Variants in CNGB1 observed in about 807,000 individuals in gnomAD.
CNGB1 encodes the protein cyclic nucleotide-gated channel beta-1.
In CNGB1, 126 loss-of-function variants were observed where a neutral mutation model predicts 151.7. The ratio of observed to expected loss-of-function variants is 0.83; its 90% CI spans 0.72 to 0.96. The LOEUF (loss-of-function observed/expected upper bound fraction) is 0.96, where lower values mean the gene tolerates loss of function less well. Among genes scored for constraint, CNGB1 ranks in the 40% least tolerant of loss-of-function variants. CNGB1 has a pLI of 0.00. For missense variants in CNGB1, 1,698 were observed against 1,627.0 expected, an observed-to-expected ratio of 1.04 and a Z score of -0.75; for synonymous variants, 623 against 635.1, an observed-to-expected ratio of 0.98 and a Z score of 0.29.
rs750379218 is a variant in CNGB1, at chr16:57,897,533, C to T, written c.3106G>A (p.Val1036Ile). 6.2e-7 allele frequency: 1 copy of T among 1,614,142 alleles called. No homozygotes were observed. Among genetic ancestry groups the T allele is most frequent in the Non-Finnish European group, 8.5e-7 (1 of 1,180,052 alleles). ...GCCGTGCGCCGGTTCCCGCCCCCAA[C>T]AGCCAGCAAGCTGGGGCAGAGAAGG... is the stretch of plus-strand genomic sequence containing the variant. ...SVFGEISLLA[V>I]GGGNRRTANV... The change falls in exon 31 of 33, where the codon GTT becomes ATT. Residue 1036 changes from valine to isoleucine, a missense_variant. By Grantham distance (29) the Val-to-Ile change is conservative. Transcript: ENST00000251102.
intron 31 of CNGB1, among the ~76,000 whole-genome samples, chr16:57,893,878 C>T (rs1288493228): frequency 6.6e-6 from 1 of 152,086 alleles, no homozygotes; most frequent in East Asian, 1.9e-4. Context: ...ACAACTGAGA[C>T]CAGAAAAGTT....
At chr16:57,938,271 A>G (rs1484592425) in intron 16 of CNGB1, among the ~76,000 whole-genome samples, 4 of 152,202 alleles carry the variant, frequency 2.6e-5, no homozygotes, top group Admixed American at 6.5e-5. Flanking sequence ...ACCCAGCCCC[A>G]GGCCTGGACT....
At chr16:57,926,117 A>T (rs1961180807) in intron 17 of CNGB1, among the ~76,000 whole-genome samples, 1 of 152,200 alleles carries the variant, frequency 6.6e-6, no homozygotes, top group Non-Finnish European at 1.5e-5. Flanking sequence ...TTCCCAGCAG[A>T]AGCTGAAAAC....
Position 57,939,563 on chromosome 16 carries a change from G to T in CNGB1, c.1239C>A (p.Ala413=). 6.2e-7 allele frequency: 1 copy of T among 1,614,082 alleles called. No homozygotes were observed. The highest frequency in any genetic ancestry group is 8.5e-7 in the Non-Finnish European group (1 of 1,179,998). Residue 413 remains alanine (A), a synonymous_variant, in exon 16 of 33, where the codon GCC becomes GCA. Coordinates refer to ENST00000251102, the MANE Select transcript of CNGB1 (RefSeq NM_001297.5). ...TGGCCTTCTCTTCAGCCTCCTTCTT[G>T]GCCTCCTCCCCAACTTCCTCCCACA... ...QKLWEEVGEE[A]KKEAEEKAKE...
intron 4 of CNGB1, 62 bp downstream of exon 4, chr16:57,964,068 C>G: frequency 2.0e-6 from 3 of 1,534,636 alleles, no homozygotes; most frequent in Non-Finnish European, 2.7e-6. Flanking sequence ...CCAGGGCTCC[C>G]TAGCTGGGAG....
Position 57,903,922 on chromosome 16 carries a change from G to GC in CNGB1, c.2693_2694insG (p.Asp898GlufsTer36). The stretch of plus-strand genomic sequence containing the variant: ...AGAAATTCATGTACTTCACCGTGCT[G>GC]TCCATGCAGCTGCGGTAGTAGGTCT... On this transcript the variant is annotated frameshift_variant, in exon 27 of 33. Transcript: ENST00000251102. LOFTEE classifies it high-confidence loss of function. 1 of 1,614,128 alleles carries GC rather than the reference G, an allele frequency of 6.2e-7. No homozygotes were observed. The highest frequency in any genetic ancestry group is 8.5e-7 in the Non-Finnish European group (1 of 1,179,976).
At chr16:57,939,001 G>T (rs1333646575) in intron 16 of CNGB1, among the ~76,000 whole-genome samples, 1 of 152,198 alleles carries the variant, frequency 6.6e-6, no homozygotes, top group Non-Finnish European at 1.5e-5. Context: ...ACTCAGCTAT[G>T]TGATGTCTGA....
At chr16:57,915,459 T>A in intron 22 of CNGB1, 124 bp from the exon 23 acceptor site, 1 of 784,590 alleles carries the variant, frequency 1.3e-6, no homozygotes, top group Non-Finnish European at 2.2e-6. Flanking sequence ...CAGTAGAGCT[T>A]AAAACTAGAG....
Position 57,894,384 on chromosome 16 carries a change from T to C in CNGB1, c.3242+3013A>G, listed in dbSNP as rs76297813. On this transcript the variant is annotated intron_variant, in intron 31 of 32. Coordinates refer to ENST00000251102, the MANE Select transcript of CNGB1 (RefSeq NM_001297.5). Reference sequence around the variant, plus strand: ...GGGAGGCAGAAGCGGGCAGATCACCTGAGGTGAGAAGTTCGAGACAAGCCT... The same window carrying C: ...GGGAGGCAGAAGCGGGCAGATCACCCGAGGTGAGAAGTTCGAGACAAGCCT... 9.3e-3 allele frequency among the ~76,000 whole-genome samples: 1,422 copies of C among 152,328 alleles called. 25 individuals are homozygous for C. The highest frequency in any genetic ancestry group is 0.033 in the African/African-American group (1,363 of 41,578).
intron 32 of CNGB1, 52 bp from the exon 33 acceptor site, chr16:57,884,509 G>T (rs1284467539): frequency 6.2e-7 from 1 of 1,604,308 alleles, no homozygotes; most frequent in South Asian, 1.1e-5. Context: ...GAGGGGTCTT[G>T]GAAGGGTCTT....
At chr16:57,940,205 G>A (rs761968357) in intron 15 of CNGB1, 29 bp downstream of exon 15, 3 of 1,547,480 alleles carry the variant, frequency 1.9e-6, no homozygotes, top group Non-Finnish European at 2.6e-6. Flanking sequence ...CCAGGCCTCA[G>A]AGGTGCCAGT....
chr16:57,887,082 C>G (rs1271005006), intron 32 of CNGB1, among the ~76,000 whole-genome samples: 2 of 152,158 alleles, frequency 1.3e-5, no homozygotes, highest in African/African-American at 4.8e-5. Context: ...GACAAGTTCT[C>G]GCTATGTTGC....
At position 57,939,533 on chromosome 16, in the gene CNGB1, C is replaced by T. The variant is rs1466108668; in HGVS notation, c.1269G>A (p.Glu423=). 1 of 1,614,156 alleles carries T rather than the reference C, an allele frequency of 6.2e-7. No homozygotes were observed. Among genetic ancestry groups the T allele is most frequent in the East Asian group, 2.2e-5 (1 of 44,876 alleles). The change falls in exon 16 of 33, where the codon GAG becomes GAA. Residue 423 remains glutamate, a synonymous_variant. Coordinates refer to ENST00000251102, the MANE Select transcript of CNGB1 (RefSeq NM_001297.5). Reference sequence around the variant, plus strand: ...CCTCTTCAGCCACCTCCTCGGCCTCCTCCTTGGCCTTCTCTTCAGCCTCCT... The same window carrying T: ...CCTCTTCAGCCACCTCCTCGGCCTCTTCCTTGGCCTTCTCTTCAGCCTCCT... ...AKKEAEEKAK[E]EAEEVAEEEA...
At chr16:57,896,756 A>ATAAC in intron 31 of CNGB1, among the ~76,000 whole-genome samples, 1 of 150,338 alleles carries the variant, frequency 6.7e-6, no homozygotes, top group East Asian at 1.9e-4. Context: ...AAATAAATAA[A>ATAAC]TAAATAAAAT....
rs1959795203 is a variant in CNGB1 at position 57,882,856 on chromosome 16, G to A, written c.*1308C>T. ...ACATGACACGATCTGGAAAGCTTTA[G>A]GGAATGTAAGTGCTGTCATCAGCTG... is the stretch of plus-strand genomic sequence containing the variant. On this transcript the variant is annotated 3_prime_UTR_variant, in exon 33 of 33. Transcript: ENST00000251102. The A allele has an allele frequency of 1.3e-5, 2 of 148,996 alleles. No individual in the cohort carries two copies. The highest frequency in any genetic ancestry group is 5.0e-5 in the African/African-American group (2 of 39,954). 9.2% of individuals were successfully genotyped at this position (148,996 alleles called of 1,614,324 possible).
At chr16:57,897,693 C>T in intron 30 of CNGB1, 103 bp downstream of exon 30, 1 of 1,516,598 alleles carries the variant, frequency 6.6e-7, no homozygotes, top group Non-Finnish European at 9.1e-7. Flanking sequence ...CAGCAGGTGC[C>T]AGTGCTGCAT....
Position 57,949,453 on chromosome 16 carries a change from A to G in CNGB1, c.1035-14T>C. ...CGGGACAGCTCTCTGAGTTGGGGTT[A>G]GAGGCAGGAGGTGAGCCCACCCGAA... On this transcript the variant is annotated splice_polypyrimidine_tract_variant and intron_variant, in intron 13 of 32. Transcript: ENST00000251102. 6.2e-7 allele frequency: 1 copy of G among 1,613,558 alleles called. No individual in the cohort carries two copies. The highest frequency in any genetic ancestry group is 8.5e-7 in the Non-Finnish European group (1 of 1,180,020).
intron 12 of CNGB1, among the ~76,000 whole-genome samples, chr16:57,956,480 T>C (rs1300292849): frequency 1.3e-5 from 2 of 152,136 alleles, no homozygotes; most frequent in Non-Finnish European, 2.9e-5. Context: ...CTCCAGGCCA[T>C]GGCGGCCACC....
At chr16:57,930,111 C>G (rs770659883) in intron 17 of CNGB1, among the ~76,000 whole-genome samples, 3 of 152,112 alleles carry the variant, frequency 2.0e-5, no homozygotes, top group Non-Finnish European at 4.4e-5. Context: ...AAATCAGGAT[C>G]TCAAAGAGAT....
Sources: gnomAD v4.1 joint callset for allele counts (sites outside exome capture counted in the v4.1 genomes callset) on GRCh38, gnomAD v4.1.1 for gene constraint, MANE v1.5 for transcripts, NCBI Gene and HGNC (gene_info 2026-07-23, HGNC 2026-07-21) for gene names.